PIK3C2G: variants seen among roughly 807,000 people sequenced by gnomAD.
PIK3C2G encodes the protein phosphatidylinositol-4-phosphate 3-kinase catalytic subunit type 2 gamma, also known as phosphatidylinositol 3-kinase C2 domain-containing subunit gamma.
Under a neutral mutation model 181.1 loss-of-function variants are expected in PIK3C2G, and 168 were observed. That is an observed-to-expected ratio of 0.93 (90% CI 0.82 to 1.05). PIK3C2G has a LOEUF of 1.05. Among genes scored for constraint, PIK3C2G ranks in the 50% least tolerant of loss-of-function variants. PIK3C2G has a pLI of 0.00. For missense variants in PIK3C2G, 1,869 were observed against 1,732.8 expected, an observed-to-expected ratio of 1.08 and a Z score of -1.40; for synonymous variants, 573 against 592.2, an observed-to-expected ratio of 0.97 and a Z score of 0.47.
intron 31 of PIK3C2G, among the ~76,000 whole-genome samples, chr12:18,612,731 ATAAT>A (rs1393998626): frequency 6.6e-6 from 1 of 152,166 alleles, no homozygotes; most frequent in African/African-American, 2.4e-5. Flanking sequence ...CCATACCAAA[ATAAT>A]TAGACTAACA....
chr12:18,379,700 C>A (rs748810451), intron 13 of PIK3C2G, among the ~76,000 whole-genome samples: 1 of 152,168 alleles, frequency 6.6e-6, no homozygotes, highest in South Asian at 2.1e-4. Flanking sequence ...CTGAAGTCTG[C>A]AGCTCATGAC....
At chr12:18,589,514 C>A (rs1278388590) in intron 29 of PIK3C2G, among the ~76,000 whole-genome samples, 3 of 151,834 alleles carry the variant, frequency 2.0e-5, no homozygotes, top group Admixed American at 2.0e-4. Flanking sequence ...AGTGTGTTAA[C>A]AAGAGGTAGA....
intron 31 of PIK3C2G, among the ~76,000 whole-genome samples, chr12:18,621,907 T>C (rs539911817): frequency 1.3e-5 from 2 of 151,778 alleles, no homozygotes; most frequent in East Asian, 3.9e-4. Flanking sequence ...AAGATTATTC[T>C]ACCATTTATT....
chr12:18,366,206 T>C (rs970152489), intron 12 of PIK3C2G, among the ~76,000 whole-genome samples: 1 of 152,216 alleles, frequency 6.6e-6, no homozygotes, highest in Non-Finnish European at 1.5e-5. Context: ...GTCTATTGTT[T>C]AGTGTCTTCA....
intron 2 of PIK3C2G, among the ~76,000 whole-genome samples, chr12:18,284,097 G>A (rs1404952727): frequency 6.6e-6 from 1 of 152,054 alleles, no homozygotes; most frequent in Non-Finnish European, 1.5e-5. Flanking sequence ...GTAGAGAGAG[G>A]ACTTACGGCT....
At chr12:18,355,652 G>A (rs1385434904) in intron 11 of PIK3C2G, among the ~76,000 whole-genome samples, 1 of 152,168 alleles carries the variant, frequency 6.6e-6, no homozygotes, top group Non-Finnish European at 1.5e-5. Context: ...GTTGGGCACA[G>A]CACATGCATG....
intron 24 of PIK3C2G, among the ~76,000 whole-genome samples, chr12:18,536,476 T>C (rs2136234256): frequency 6.6e-6 from 1 of 152,164 alleles, no homozygotes; most frequent in South Asian, 2.1e-4. Context: ...AGAACTACTA[T>C]AGTTAAGTGG....
chr12:18,381,212 A>C (rs1386982099), intron 13 of PIK3C2G, among the ~76,000 whole-genome samples: 1 of 152,220 alleles, frequency 6.6e-6, no homozygotes, highest in Non-Finnish European at 1.5e-5. Context: ...GAATATGAAT[A>C]ATCTTTCTAT....
intron 10 of PIK3C2G, among the ~76,000 whole-genome samples, chr12:18,343,786 T>C (rs1183020474): frequency 6.6e-6 from 1 of 152,118 alleles, no homozygotes; most frequent in Non-Finnish European, 1.5e-5. Context: ...CAGCTCTATT[T>C]GAAAGACCAA....
Position 18,373,553 on chromosome 12 carries a change from A to G in PIK3C2G, c.1880+2242A>G, listed in dbSNP as rs1024640711. Among the ~76,000 whole-genome samples, 29 of 152,132 alleles carry G rather than the reference A, an allele frequency of 1.9e-4. 1 individual carries two copies. The highest frequency in any genetic ancestry group is 6.6e-5 in the Admixed American group (1 of 15,262). ...AGCATGCAAACTTGTCTTCAGTTCT[A>G]TTTTTAAAAGTCTTGGCCGGGCACG... On this transcript the variant is annotated intron_variant, in intron 13 of 32. Coordinates refer to ENST00000538779, the MANE Select transcript of PIK3C2G (RefSeq NM_001288772.2).
chr12:18,636,479 C>T (rs1949609034), intron 31 of PIK3C2G, among the ~76,000 whole-genome samples: 1 of 152,142 alleles, frequency 6.6e-6, no homozygotes, highest in Admixed American at 6.5e-5. Context: ...GATCCACCCA[C>T]CTCGGCCTCC....
intron 9 of PIK3C2G, among the ~76,000 whole-genome samples, chr12:18,343,089 T>C (rs1430831456): frequency 2.6e-5 from 4 of 152,060 alleles, no homozygotes; most frequent in Non-Finnish European, 5.9e-5. Flanking sequence ...TTGTGGTAAT[T>C]TCTTTTTAAA....
In PIK3C2G at chr12:18,491,694, T is replaced by C. The variant is rs1484854740; in HGVS notation, c.2793+136T>C. The C allele has an allele frequency of 8.9e-6, 5 of 558,836 alleles. No individual in the cohort carries two copies. The Admixed American group carries it at 9.6e-5, about 11-fold the overall frequency. The allele number at this position is 558,836 out of a possible 1,614,324, so 34.6% of individuals were successfully genotyped here. A position where few individuals can be genotyped will look rare whatever the true frequency, so the allele number is the denominator to read the frequency against. ...TTTAACGAAAAAGTAACTGAATCCA[T>C]TTACATTGTGTTTTCCCTTTGATAC... On this transcript the variant is annotated intron_variant, in intron 20 of 32. Transcript: ENST00000538779.
At chr12:18,570,610 G>T (rs1414278049) in intron 29 of PIK3C2G, among the ~76,000 whole-genome samples, 1 of 150,180 alleles carries the variant, frequency 6.7e-6, no homozygotes, top group Non-Finnish European at 1.5e-5. Flanking sequence ...TGCAGTATAG[G>T]GCATTATCCA....
intron 6 of PIK3C2G, among the ~76,000 whole-genome samples, chr12:18,318,622 T>C (rs1565592516): frequency 6.6e-6 from 1 of 152,042 alleles, no homozygotes; most frequent in South Asian, 2.1e-4. Flanking sequence ...GGAATATGAC[T>C]ATCATCATTA....
At chr12:18,372,183 TA>T (rs532183524) in intron 13 of PIK3C2G, among the ~76,000 whole-genome samples, 134 of 152,064 alleles carry the variant, frequency 8.8e-4, no homozygotes, top group African/African-American at 3.1e-3. Flanking sequence ...AATTCTGATG[TA>T]AGCTGTGTGT....
chr12:18,303,101 T>C (rs1055206649), intron 5 of PIK3C2G, among the ~76,000 whole-genome samples: 1 of 71,398 alleles, frequency 1.4e-5, no homozygotes, highest in Non-Finnish European at 3.3e-5. Context: ...CTTTTCTTTC[T>C]CTTTCTTTCT....
At chr12:18,701,644 C>G in the PIK3C2G span, 6 of 1,598,128 alleles carry the variant, frequency 3.8e-6, no homozygotes, top group Non-Finnish European at 5.1e-6. Context: ...TCCTCCTCCT[C>G]CTCCTCCTCT....
At chr12:18,665,718 C>T in the PIK3C2G span, among the ~76,000 whole-genome samples, 2 of 152,146 alleles carry the variant, frequency 1.3e-5, no homozygotes, top group Admixed American at 6.6e-5. Flanking sequence ...AGGTGGATCA[C>T]GAGGTCAGGA....
Sources: gnomAD v4.1 joint callset for allele counts (sites outside exome capture counted in the v4.1 genomes callset) on GRCh38, gnomAD v4.1.1 for gene constraint, MANE v1.5 for transcripts, NCBI Gene and HGNC (gene_info 2026-07-23, HGNC 2026-07-21) for gene names.